The following SGTB variants were observed in gnomAD, a reference collection of about 807,000 sequenced individuals.
SGTB encodes small glutamine-rich tetratricopeptide repeat-containing protein beta.
SGTB carries 19 observed loss-of-function variants against 43.9 expected under a neutral mutation model. The observed-to-expected ratio is 0.43, with a 90% CI of 0.30 to 0.63. The LOEUF (loss-of-function observed/expected upper bound fraction) is 0.63, where lower values mean the gene tolerates loss of function less well. Ranked by LOEUF, SGTB falls within the 30% of genes least tolerant of loss-of-function variation. SGTB has a pLI of 0.12. For missense variants in SGTB, 304 were observed against 358.9 expected, an observed-to-expected ratio of 0.85 and a Z score of 1.24; for synonymous variants, 116 against 117.3, an observed-to-expected ratio of 0.99 and a Z score of 0.07.
At chr5:65,671,079 T>TGG (rs1757145169) in intron 10 of SGTB, among the ~76,000 whole-genome samples, 2 of 152,222 alleles carry the variant, frequency 1.3e-5, no homozygotes, top group African/African-American at 4.8e-5. Context: ...TTTCCTGAAT[T>TGG]GCCTGAACAT....
chr5:65,670,704 G>C (rs1757138469), intron 10 of SGTB, among the ~76,000 whole-genome samples: 1 of 152,156 alleles, frequency 6.6e-6, no homozygotes, highest in African/African-American at 2.4e-5. Context: ...AGTCTTAATA[G>C]TCTCATATAA....
intron 5 of SGTB, among the ~76,000 whole-genome samples, chr5:65,693,398 A>AGAAG (rs149610320): frequency 6.8e-6 from 1 of 147,504 alleles, no homozygotes. Flanking sequence ...AGGGAAGGAA[A>AGAAG]GAAGGAAGGA....
intron 6 of SGTB, among the ~76,000 whole-genome samples, chr5:65,683,287 T>G (rs568984740): frequency 6.4e-4 from 97 of 152,314 alleles, no homozygotes; most frequent in African/African-American, 2.3e-3. Context: ...AGCATCACCT[T>G]ATTCACCCTC....
rs1475850596 is a variant in SGTB at position 65,667,520 on chromosome 5, T to C, written c.*2726A>G. On this transcript the variant is annotated 3_prime_UTR_variant, in exon 11 of 11. Transcript: ENST00000381007. ...ATACTAGGAGTTCATTCTAACTTAA[T>C]GAAAATCAAAGTTGGCTTAGATGGA... 1 of 152,238 alleles carries C rather than the reference T, an allele frequency of 6.6e-6. No homozygotes were observed. The highest frequency in any genetic ancestry group is 6.5e-5 in the Admixed American group (1 of 15,286). 9.4% of individuals were successfully genotyped at this position (152,238 alleles called of 1,614,324 possible).
chr5:65,671,837 G>GC, intron 10 of SGTB, 78 bp downstream of exon 10: 2 of 1,282,820 alleles, frequency 1.6e-6, no homozygotes, highest in South Asian at 2.6e-5. Context: ...TAAAAAGAAA[G>GC]CCCTGACCCC....
At chr5:65,703,493 G>C (rs1452682697) in intron 5 of SGTB, among the ~76,000 whole-genome samples, 2 of 151,948 alleles carry the variant, frequency 1.3e-5, no homozygotes, top group African/African-American at 4.8e-5. Flanking sequence ...ATCACTTGAA[G>C]TCAGGAGTTC....
At chr5:65,681,727 C>T (rs1421258403) in intron 6 of SGTB, among the ~76,000 whole-genome samples, 1 of 152,092 alleles carries the variant, frequency 6.6e-6, no homozygotes, top group East Asian at 1.9e-4. Context: ...ATCCCAGCAG[C>T]ACTTTGGGAG....
At chr5:65,706,156 G>A (rs781366745) in intron 4 of SGTB, among the ~76,000 whole-genome samples, 11 of 152,086 alleles carry the variant, frequency 7.2e-5, no homozygotes, top group African/African-American at 1.7e-4. Flanking sequence ...GAATTATATC[G>A]CAACAAATAT....
At chr5:65,688,851 C>T (rs1211711729) in intron 5 of SGTB, among the ~76,000 whole-genome samples, 1 of 152,128 alleles carries the variant, frequency 6.6e-6, no homozygotes, top group Non-Finnish European at 1.5e-5. Flanking sequence ...GCTCTGTCGC[C>T]CAGGCTGCAG....
rs1328582951 is a variant in SGTB, at chr5:65,668,198, CT to C, written c.*2047del. ...AACTCCTGACCTCAGGTGATCCCCCCTGCCTTGGCCTCCCAAAGTGCTGGGA... is the reference window on the plus strand; with the variant it reads ...AACTCCTGACCTCAGGTGATCCCCCCGCCTTGGCCTCCCAAAGTGCTGGGA... On this transcript the variant is annotated 3_prime_UTR_variant, in exon 11 of 11. Transcript: ENST00000381007. 1 of 152,016 alleles carries C rather than the reference CT, an allele frequency of 6.6e-6. No individual in the cohort carries two copies. Among genetic ancestry groups the C allele is most frequent in the Non-Finnish European group, 1.5e-5 (1 of 68,122 alleles). 9.4% of individuals were successfully genotyped at this position (152,016 alleles called of 1,614,324 possible). A position where few individuals can be genotyped will look rare whatever the true frequency, so the allele number is the denominator to read the frequency against.
intron 2 of SGTB, among the ~76,000 whole-genome samples, chr5:65,719,322 G>A (rs114273690): frequency 0.016 from 2,418 of 152,236 alleles, 71 homozygotes; most frequent in African/African-American, 0.055. Context: ...GGGAGGGGTG[G>A]CTCATGCCTG....
chr5:65,708,688 T>G, intron 3 of SGTB, 130 bp from the exon 4 acceptor site: 1 of 583,302 alleles, frequency 1.7e-6, no homozygotes, highest in East Asian at 3.4e-5. Context: ...AACAACTTCC[T>G]AAATAATAGT....
chr5:65,704,456 G>C, intron 4 of SGTB, 78 bp from the exon 5 acceptor site: 2 of 1,048,036 alleles, frequency 1.9e-6, no homozygotes, highest in Non-Finnish European at 2.6e-6. Flanking sequence ...CATTTTAATC[G>C]TGGAAACTAT....
At chr5:65,703,636 A>T (rs1348152466) in intron 5 of SGTB, among the ~76,000 whole-genome samples, 1 of 152,212 alleles carries the variant, frequency 6.6e-6, no homozygotes, top group Non-Finnish European at 1.5e-5. Flanking sequence ...AGGTGGGAGA[A>T]TGACTTGAAC....
intron 2 of SGTB, among the ~76,000 whole-genome samples, chr5:65,716,522 T>G (rs1758154838): frequency 6.6e-6 from 1 of 152,180 alleles, no homozygotes; most frequent in South Asian, 2.1e-4. Flanking sequence ...TAGACATATT[T>G]TGAAAGTGTA....
chr5:65,709,425 C>T (rs1415662614), intron 3 of SGTB, among the ~76,000 whole-genome samples: 1 of 150,044 alleles, frequency 6.7e-6, no homozygotes, highest in African/African-American at 2.5e-5. Flanking sequence ...TTTTGCCAGG[C>T]TGAAGTGCAG....
At chr5:65,683,341 G>A (rs1372508729) in intron 6 of SGTB, among the ~76,000 whole-genome samples, 1 of 152,180 alleles carries the variant, frequency 6.6e-6, no homozygotes, top group Non-Finnish European at 1.5e-5. Context: ...CACTAATTGT[G>A]CATGTACATG....
intron 6 of SGTB, among the ~76,000 whole-genome samples, chr5:65,683,965 A>G (rs1757449461): frequency 6.6e-6 from 1 of 151,948 alleles, no homozygotes; most frequent in South Asian, 2.1e-4. Flanking sequence ...AAAAGAAAAA[A>G]AGAGATGACA....
intron 5 of SGTB, among the ~76,000 whole-genome samples, chr5:65,697,482 G>A (rs542354428): frequency 6.6e-6 from 1 of 152,162 alleles, no homozygotes; most frequent in Admixed American, 6.5e-5. Context: ...GATAATATTT[G>A]TATCTGGTTA....
Sources: gnomAD v4.1 joint callset for allele counts (sites outside exome capture counted in the v4.1 genomes callset) on GRCh38, gnomAD v4.1.1 for gene constraint, MANE v1.5 for transcripts, NCBI Gene and HGNC (gene_info 2026-07-23, HGNC 2026-07-21) for gene names.